SEMA6C: variants seen among roughly 807,000 people sequenced by gnomAD.
SEMA6C encodes semaphorin-6C.
In SEMA6C, 37 loss-of-function variants were observed where a neutral mutation model predicts 72.9. The ratio of observed to expected loss-of-function variants is 0.51; its 90% CI spans 0.39 to 0.67. SEMA6C has a LOEUF of 0.67. Among genes scored for constraint, SEMA6C ranks in the 30% least tolerant of loss-of-function variants. The pLI is 0.00. For synonymous variants in SEMA6C, 578 were observed against 554.1 expected (o/e 1.04, Z -0.61); for missense variants, 1,189 against 1,263.6 (o/e 0.94, Z 0.89).
rs1467955431 is a variant in SEMA6C at position 151,133,308 on chromosome 1, G to A, written c.1969C>T (p.Leu657Phe). 2 of 1,586,156 alleles carry A rather than the reference G, an allele frequency of 1.3e-6. No individual in the cohort carries two copies. Among genetic ancestry groups the A allele is most frequent in the Non-Finnish European group, 1.7e-6 (2 of 1,169,708 alleles). Residue 657 changes from leucine (L) to phenylalanine (F), a missense_variant, in exon 19 of 19, where the codon CTC becomes TTC. This residue lies in a region of SEMA6C where 721 missense variants were observed against 686.2 expected (regional missense o/e 1.05). Transcript: ENST00000368914. The surrounding 1 kb of genome is among the most constrained non-coding windows in gnomAD (Gnocchi z 5.9). ...GGGGGCTCTGGGCCCCCACCGTGGAGCCGGGCCAAACTGCGGAGGGAGAGA... is the reference window on the plus strand; with the variant it reads ...GGGGGCTCTGGGCCCCCACCGTGGAACCGGGCCAAACTGCGGAGGGAGAGA... ...RPLSLRSLAR[L>F]HGGGPEPPPP...
rs1369513736 is a variant in SEMA6C at position 151,135,273 on chromosome 1, C to G, written c.1470G>C (p.Arg490=). ...SGKRTAQTAR[R]IIGLELDTEG... ...CAGTGTCCAGCTCCAGCCCTATGAT[C>G]CGTCGTGCTGTTTGGGCTGTCCGCT... Residue 490 remains arginine (R), a synonymous_variant, in exon 15 of 19, where the codon CGG becomes CGC. Coordinates refer to ENST00000368914, the MANE Select transcript of SEMA6C (RefSeq NM_030913.6). 1.2e-6 allele frequency: 2 copies of G among 1,614,110 alleles called. No homozygotes were observed. The highest frequency in any genetic ancestry group is 2.7e-5 in the African/African-American group (2 of 74,942).
intron 2 of SEMA6C, among the ~76,000 whole-genome samples, chr1:151,143,864 T>C (rs999252323): frequency 6.6e-6 from 1 of 152,132 alleles, no homozygotes; most frequent in African/African-American, 2.4e-5. Context: ...CAATCCTTAG[T>C]TGCCCATCCC....
At position 151,135,883 on chromosome 1, in the gene SEMA6C, T is replaced by C. The variant is rs587597268; in HGVS notation, c.1260-119A>G. 9.2e-6 allele frequency: 14 copies of C among 1,519,392 alleles called. No homozygotes were observed. The East Asian group carries it at 1.4e-4, about 15-fold the overall frequency. The allele number at this position is 1,519,392 out of a possible 1,614,324, so 94.1% of individuals were successfully genotyped here. On this transcript the variant is annotated intron_variant, in intron 13 of 18. Coordinates refer to ENST00000368914, the MANE Select transcript of SEMA6C (RefSeq NM_030913.6). ...CTTCCCCCAGGCCCCAGGGTTGCCT[T>C]CTTAGCTCTCTCCCTTCTACTTTCA...
intron 9 of SEMA6C, 32 bp downstream of exon 9, chr1:151,137,954 T>C (rs1682196947): frequency 2.5e-6 from 4 of 1,606,184 alleles, no homozygotes; most frequent in Admixed American, 3.4e-5. Context: ...TCCTCCCCAA[T>C]AACAGTCTCC....
intron 12 of SEMA6C, 49 bp downstream of exon 12, chr1:151,136,399 C>A (rs1310472462): frequency 6.3e-7 from 1 of 1,595,594 alleles, no homozygotes; most frequent in South Asian, 1.1e-5. Context: ...ATCTTGGGGG[C>A]AGACGCTGCT....
At chr1:151,135,516 C>T in intron 14 of SEMA6C, 75 bp downstream of exon 14, 1 of 1,531,320 alleles carries the variant, frequency 6.5e-7, no homozygotes, top group Middle Eastern at 1.8e-4. Flanking sequence ...TGTTTCCAAC[C>T]TATTCCCGAA....
intron 15 of SEMA6C, 91 bp from the exon 16 acceptor site, chr1:151,134,966 G>A: frequency 1.4e-6 from 2 of 1,386,408 alleles, no homozygotes; most frequent in Non-Finnish European, 2.0e-6. Context: ...CTTACAGGAG[G>A]CTCCCAGCCT....
rs1181567453 is a variant in SEMA6C, at chr1:151,142,506, T to G, written c.116A>C (p.Gln39Pro). 4.3e-6 allele frequency: 7 copies of G among 1,613,256 alleles called. No individual in the cohort carries two copies. Among genetic ancestry groups the G allele is most frequent in the Non-Finnish European group, 5.9e-6 (7 of 1,179,778 alleles). ...CAAGGTAGGTACTGGGCACTCACCT[T>G]GAAGGTCAGAGATCAACAGAGGGAG... ...DPLPLLISDLQGTSPLSWFRG... is the reference protein window; with the variant it reads ...DPLPLLISDLPGTSPLSWFRG... The change falls in exon 3 of 19, where the codon CAA becomes CCA. Residue 39 changes from glutamine (Q) to proline (P), a missense_variant and splice_region_variant. This residue lies in a region of SEMA6C where 468 missense variants were observed against 577.4 expected (regional missense o/e 0.81). Coordinates refer to ENST00000368914, the MANE Select transcript of SEMA6C (RefSeq NM_030913.6).
At chr1:151,135,129 G>C (rs778044879) in intron 15 of SEMA6C, 34 bp downstream of exon 15, 34 of 1,607,232 alleles carry the variant, frequency 2.1e-5, no homozygotes, top group Admixed American at 1.7e-5. Flanking sequence ...CGGGGAGCTT[G>C]CCCACACAGG....
intron 10 of SEMA6C, among the ~76,000 whole-genome samples, chr1:151,137,402 C>T (rs752060315): frequency 4.3e-5 from 6 of 140,882 alleles, no homozygotes; most frequent in Non-Finnish European, 9.0e-5. Context: ...GCCAAGATGG[C>T]GCCACTGCAC....
intron 8 of SEMA6C, 39 bp from the exon 9 acceptor site, chr1:151,138,144 G>A (rs773254565): frequency 6.8e-6 from 11 of 1,609,384 alleles, no homozygotes; most frequent in Middle Eastern, 1.7e-4. Context: ...GGAGGGCTCA[G>A]GGATCTGTAT....
rs751944197 is a variant in SEMA6C, at chr1:151,132,695, G to A, written c.2582C>T (p.Pro861Leu). 12 of 1,496,356 alleles carry A rather than the reference G, an allele frequency of 8.0e-6. No homozygotes were observed. The highest frequency in any genetic ancestry group is 4.3e-5 in the African/African-American group (3 of 70,220). The allele number at this position is 1,496,356 out of a possible 1,614,324, so 92.7% of individuals were successfully genotyped here. A position where few individuals can be genotyped will look rare whatever the true frequency, so the allele number is the denominator to read the frequency against. Residue 861 changes from proline to leucine, a missense_variant, in exon 19 of 19, where the codon CCT (proline) becomes CTT (leucine). Pro to Leu is a moderately conservative substitution (Grantham distance 98, BLOSUM62 -3). Coordinates refer to ENST00000368914, the MANE Select transcript of SEMA6C (RefSeq NM_030913.6). ...CGAGGGGACTCGAGTGAGCAGGGCA[G>A]GGGGGGCCCGGTGGCCGGAGAAAGG... ...RLPFSGHRAPPALLTRVPSGG... is the reference protein window; with the variant it reads ...RLPFSGHRAPLALLTRVPSGG...
Position 151,133,885 on chromosome 1 carries a change from AG to A in SEMA6C, c.1760-369del. 1 of 1,266,870 alleles carries A rather than the reference AG, an allele frequency of 7.9e-7. No homozygotes were observed. The highest frequency in any genetic ancestry group is 1.1e-6 in the Non-Finnish European group (1 of 897,936). The allele number at this position is 1,266,870 out of a possible 1,614,324, so 78.5% of individuals were successfully genotyped here. On this transcript the variant is annotated intron_variant, in intron 18 of 18. Transcript: ENST00000368914. The surrounding 1 kb of genome is among the most constrained non-coding windows in gnomAD (Gnocchi z 5.9). ...CGTTAGTGAGCACCAAACACCATTC[AG>A]TGAGGGGCTTAGAACGCTCCGAGAA...
At chr1:151,134,343 A>C in intron 18 of SEMA6C, 58 bp downstream of exon 18, 1 of 1,466,584 alleles carries the variant, frequency 6.8e-7, no homozygotes, top group Non-Finnish European at 9.4e-7. Context: ...GCTACAGGAC[A>C]CACACTCAGG....
At position 151,133,127 on chromosome 1, in the gene SEMA6C, T is replaced by G. The variant is rs1200749964; in HGVS notation, c.2150A>C (p.Asp717Ala). ...LPVKHLRAAG[D>A]PWEWNQNRNN... Reference sequence around the variant, plus strand: ...CCTGTTCTGGTTCCACTCCCAGGGGTCCCCGGCGGCGCGGAGGTGCTTGAC... The same window carrying G: ...CCTGTTCTGGTTCCACTCCCAGGGGGCCCCGGCGGCGCGGAGGTGCTTGAC... Residue 717 changes from aspartate (D) to alanine (A), a missense_variant, in exon 19 of 19, where the codon GAC becomes GCC. Around this residue, in one of 2 missense-constraint regions of SEMA6C, gnomAD observed 721 missense variants for 686.2 expected, o/e 1.05. Transcript: ENST00000368914. The surrounding 1 kb of genome is among the most constrained non-coding windows in gnomAD (Gnocchi z 5.9). 2 of 1,562,380 alleles carry G rather than the reference T, an allele frequency of 1.3e-6. No homozygotes were observed. Among genetic ancestry groups the G allele is most frequent in the East Asian group, 4.7e-5 (2 of 42,652 alleles).
intron 3 of SEMA6C, among the ~76,000 whole-genome samples, chr1:151,142,148 C>T (rs1224513909): frequency 2.0e-5 from 3 of 151,650 alleles, no homozygotes; most frequent in Non-Finnish European, 2.9e-5. Flanking sequence ...GCCATTCTCC[C>T]GCCTCAGCCT....
chr1:151,143,682 T>G (rs748633930), intron 2 of SEMA6C, among the ~76,000 whole-genome samples: 5 of 152,160 alleles, frequency 3.3e-5, no homozygotes, highest in Non-Finnish European at 4.4e-5. Context: ...ACAGGTCTCC[T>G]TCCACCATCA....
At position 151,135,717 on chromosome 1, in the gene SEMA6C, C is replaced by A. The variant is rs965300172; in HGVS notation, c.1307G>T (p.Ser436Ile). ...VAVDGMAGPH[S>I]NITVMFLGSN... ...GCCAAGGAACATGACTGTGATGTTACTGTGGGGACCAGCCATGCCATCCAC... is the reference window on the plus strand; with the variant it reads ...GCCAAGGAACATGACTGTGATGTTAATGTGGGGACCAGCCATGCCATCCAC... Residue 436 changes from serine to isoleucine, a missense_variant, in exon 14 of 19, where the codon AGT (serine) becomes ATT (isoleucine). Physicochemically the swap from Ser to Ile is moderately radical, Grantham distance 142. This residue lies in a region of SEMA6C where 468 missense variants were observed against 577.4 expected (regional missense o/e 0.81). Coordinates refer to ENST00000368914, the MANE Select transcript of SEMA6C (RefSeq NM_030913.6). 2 of 1,614,064 alleles carry A rather than the reference C, an allele frequency of 1.2e-6. No homozygotes were observed. Among genetic ancestry groups the A allele is most frequent in the Non-Finnish European group, 1.7e-6 (2 of 1,180,032 alleles).
At chr1:151,135,502 T>A (rs934664025) in intron 14 of SEMA6C, 89 bp downstream of exon 14, 6 of 1,501,612 alleles carry the variant, frequency 4.0e-6, no homozygotes, top group Non-Finnish European at 5.4e-6. Context: ...AAAGCCAATG[T>A]TGATGTTTCC....
Sources: gnomAD v4.1 joint callset for allele counts (sites outside exome capture counted in the v4.1 genomes callset) on GRCh38, gnomAD v4.1.1 for gene constraint, gnomAD v4.1.1 regional missense constraint, Gnocchi (gnomAD v3.1) non-coding constraint, MANE v1.5 for transcripts, NCBI Gene and HGNC (gene_info 2026-07-23, HGNC 2026-07-21) for gene names.